The following ADGB variants were observed in gnomAD, a reference collection of about 807,000 sequenced individuals.
ADGB encodes the protein androglobin.
ADGB carries 172 observed loss-of-function variants against 210.5 expected under a neutral mutation model. That is an observed-to-expected ratio of 0.82 (90% CI 0.72 to 0.93). The LOEUF (loss-of-function observed/expected upper bound fraction) is 0.93. Ranked by LOEUF, ADGB falls within the 40% of genes least tolerant of loss-of-function variation. The pLI is 0.00. For synonymous variants in ADGB, 658 were observed against 662.7 expected, an observed-to-expected ratio of 0.99 and a Z score of 0.11; for missense variants, 2,025 against 1,964.8, an observed-to-expected ratio of 1.03 and a Z score of -0.58.
In ADGB at chr6:146,691,198, G is replaced by C; in HGVS notation, c.1394G>C (p.Cys465Ser). Reference protein sequence around the residue: ...HPVLVTRSRSCPLVAPPKPPP... With the variant: ...HPVLVTRSRSSPLVAPPKPPP... ...GTGCTGGTGACTAGAAGTAGGTCTT[G>C]TCCTCTGGTAGCACCACCAAAACCA... Residue 465 changes from cysteine (C) to serine (S), a missense_variant, in exon 11 of 36, where the codon TGT (cysteine) becomes TCT (serine). By Grantham distance (112) the Cys-to-Ser change is moderately radical. Coordinates refer to ENST00000397944, the MANE Select transcript of ADGB (RefSeq NM_024694.4). 2 of 1,549,444 alleles carry C rather than the reference G, an allele frequency of 1.3e-6. No homozygotes were observed. The highest frequency in any genetic ancestry group is 1.7e-6 in the Non-Finnish European group (2 of 1,146,348).
chr6:146,682,470 A>C (rs141444552), intron 9 of ADGB, among the ~76,000 whole-genome samples: 3 of 152,248 alleles, frequency 2.0e-5, no homozygotes, highest in African/African-American at 7.2e-5. Context: ...AGGATGTTAA[A>C]TTTCATTTCA....
At chr6:146,621,557 C>T (rs942146910) in intron 1 of ADGB, among the ~76,000 whole-genome samples, 28 of 152,240 alleles carry the variant, frequency 1.8e-4, no homozygotes, top group African/African-American at 6.5e-4. Flanking sequence ...GGGAGAGGGG[C>T]TGGCACAGTC....
chr6:146,745,535 A>G (rs1013562246), intron 25 of ADGB, among the ~76,000 whole-genome samples: 2 of 152,240 alleles, frequency 1.3e-5, no homozygotes, highest in African/African-American at 4.8e-5. Context: ...TCAGTATTCC[A>G]GAAAGATAGA....
At chr6:146,677,071 T>A (rs1453713278) in intron 9 of ADGB, among the ~76,000 whole-genome samples, 1 of 152,178 alleles carries the variant, frequency 6.6e-6, no homozygotes, top group Non-Finnish European at 1.5e-5. Context: ...TTTTAATTAA[T>A]CTTTCCAATT....
At chr6:146,701,096 C>A in intron 13 of ADGB, 26 bp downstream of exon 13, 2 of 1,546,636 alleles carry the variant, frequency 1.3e-6, no homozygotes, top group Admixed American at 4.0e-5. Context: ...TTACTGTTGG[C>A]CCAACTCTTA....
chr6:146,657,370 A>G (rs1203411696), intron 5 of ADGB, among the ~76,000 whole-genome samples: 4 of 152,004 alleles, frequency 2.6e-5, no homozygotes, highest in African/African-American at 9.7e-5. Context: ...GAAGGAAGAA[A>G]GGAAGGTTGC....
rs150706664 is a variant in ADGB, at chr6:146,737,641, C to T, written c.2888+1050C>T. 7.5e-4 allele frequency among the ~76,000 whole-genome samples: 114 copies of T among 152,258 alleles called. 1 individual carries two copies. Among genetic ancestry groups the T allele is most frequent in the African/African-American group, 2.6e-3 (108 of 41,546 alleles). ...CTAAAGTTTTAATTGTATGAATGCA[C>T]ATAAGGAGCACAAACCCTCTTTTCC... On this transcript the variant is annotated intron_variant, in intron 23 of 35. Coordinates refer to ENST00000397944, the MANE Select transcript of ADGB (RefSeq NM_024694.4).
intron 7 of ADGB, among the ~76,000 whole-genome samples, chr6:146,671,147 A>G (rs1308942516): frequency 6.6e-6 from 1 of 152,208 alleles, no homozygotes; most frequent in Non-Finnish European, 1.5e-5. Context: ...CCATGCTGAC[A>G]CTTTTACAAC....
chr6:146,745,883 C>T lies in ADGB; in HGVS notation c.3178-39C>T, dbSNP rs538153452. On this transcript the variant is annotated intron_variant, in intron 25 of 35. Transcript: ENST00000397944. ...TATTGTACATTCGATAGAATAATAA[C>T]GACATAATTCATTTCTGTGTAATTT... 3.0e-4 allele frequency: 431 copies of T among 1,452,548 alleles called. No individual in the cohort carries two copies. The African/African-American group carries it at 3.6e-3, about 12-fold the overall frequency. 90.0% of individuals were successfully genotyped at this position (1,452,548 alleles called of 1,614,324 possible).
Position 146,802,971 on chromosome 6 carries a change from A to G in ADGB, c.4818+960A>G, listed in dbSNP as rs1778154596. 5 of 1,609,842 alleles carry G rather than the reference A, an allele frequency of 3.1e-6. No homozygotes were observed. In the Admixed American group the frequency reaches 5.0e-5, roughly 16 times the overall value. On this transcript the variant is annotated intron_variant, in intron 35 of 35. Transcript: ENST00000397944. ...TGATAGTTCTGACCACCACCTTTTA[A>G]TGACTGCTTGAAGCCAGTTTAAACC...
chr6:146,721,563 C>CATGGAATAATAAGATTTTTA, intron 17 of ADGB, 58 bp downstream of exon 17: 5 of 282,142 alleles, frequency 1.8e-5, no homozygotes, highest in South Asian at 4.5e-5. Context: ...CAGGCTAGGG[C>CATGGAATAATAAGATTTTTA]GTGGTGGCTC....
intron 17 of ADGB, among the ~76,000 whole-genome samples, chr6:146,722,223 G>A (rs1354808772): frequency 6.6e-6 from 1 of 151,832 alleles, no homozygotes; most frequent in African/African-American, 2.4e-5. Flanking sequence ...TTACCAATTT[G>A]GGCATCATCT....
intron 33 of ADGB, among the ~76,000 whole-genome samples, chr6:146,794,974 A>G (rs929953553): frequency 1.3e-5 from 2 of 149,284 alleles, no homozygotes; most frequent in Non-Finnish European, 3.0e-5. Flanking sequence ...GCTTTACTGA[A>G]TCAAGGAGTT....
At chr6:146,651,092 T>C (rs1435361452) in intron 3 of ADGB, among the ~76,000 whole-genome samples, 1 of 152,160 alleles carries the variant, frequency 6.6e-6, no homozygotes, top group African/African-American at 2.4e-5. Context: ...CAGAGAATGA[T>C]AGCAAGAGAT....
At chr6:146,788,924 AAC>A (rs1219827440) in intron 33 of ADGB, among the ~76,000 whole-genome samples, 3 of 152,204 alleles carry the variant, frequency 2.0e-5, no homozygotes, top group South Asian at 2.1e-4. Context: ...CTTCTCGTTA[AAC>A]ACAGATTTTT....
rs929478101 is a variant in ADGB, at chr6:146,802,767, C to T, written c.4818+756C>T. ...CACAGTTCAGGGATGTTTTGAAAAA[C>T]CAAATCCTCTTTAGTAGATGAAATC... On this transcript the variant is annotated intron_variant, in intron 35 of 35. Coordinates refer to ENST00000397944, the MANE Select transcript of ADGB (RefSeq NM_024694.4). 33 of 1,597,360 alleles carry T rather than the reference C, an allele frequency of 2.1e-5. 2 individuals carry two copies. Among genetic ancestry groups the T allele is most frequent in the Middle Eastern group, 4.6e-4 (2 of 4,374 alleles).
chr6:146,808,637 C>T (rs1043573722), intron 35 of ADGB, among the ~76,000 whole-genome samples: 5 of 152,254 alleles, frequency 3.3e-5, no homozygotes, highest in East Asian at 1.9e-4. Flanking sequence ...CCAGTGAAAG[C>T]GGTTTCACTT....
chr6:146,745,568 T>A (rs1386698102), intron 25 of ADGB, among the ~76,000 whole-genome samples: 1 of 152,242 alleles, frequency 6.6e-6, no homozygotes, highest in African/African-American at 2.4e-5. Context: ...GAAAATCAAG[T>A]AAGAAGCTTT....
chr6:146,665,480 C>G (rs1001371029), intron 6 of ADGB, among the ~76,000 whole-genome samples: 2 of 151,880 alleles, frequency 1.3e-5, no homozygotes, highest in African/African-American at 4.8e-5. Context: ...GTGGCATGTT[C>G]ATTTATTTGG....
Sources: allele counts gnomAD v4.1 joint callset (sites outside exome capture counted in the v4.1 genomes callset), GRCh38; gene constraint gnomAD v4.1.1; transcripts MANE v1.5; gene names NCBI Gene and HGNC (gene_info 2026-07-23, HGNC 2026-07-21).